Variants in GLIS3 observed in about 807,000 individuals in gnomAD.
The protein encoded by GLIS3 is zinc finger protein GLIS3.
GLIS3 carries 53 observed loss-of-function variants against 78.6 expected under a neutral mutation model. That is an observed-to-expected ratio of 0.67 (90% confidence interval 0.54 to 0.85). The LOEUF (loss-of-function observed/expected upper bound fraction) is 0.85. Ranked by LOEUF, GLIS3 falls within the 40% of genes least tolerant of loss-of-function variation. The probability of loss-of-function intolerance (pLI) is 0.00; values close to 1 mark genes in which losing one functional copy is unlikely to be tolerated. For missense variants in GLIS3, 1,703 were observed against 1,231.1 expected, an observed-to-expected ratio of 1.38 and a Z score of -5.74; for synonymous variants, 684 against 509.9, an observed-to-expected ratio of 1.34 and a Z score of -4.60.
chr9:4,452,933 C>A, the GLIS3 span, among the ~76,000 whole-genome samples: 3 of 152,172 alleles, frequency 2.0e-5, no homozygotes, highest in African/African-American at 7.2e-5. Context: ...CTACAGTAAC[C>A]AAAACAGCAT....
At chr9:4,242,146 G>A (rs1301801683) in intron 2 of GLIS3, among the ~76,000 whole-genome samples, 1 of 152,148 alleles carries the variant, frequency 6.6e-6, no homozygotes, top group African/African-American at 2.4e-5. Flanking sequence ...AACCTGGCTT[G>A]CTGCTGTGTA....
the GLIS3 span, among the ~76,000 whole-genome samples, chr9:4,421,142 G>A: frequency 2.0e-5 from 3 of 152,176 alleles, no homozygotes; most frequent in Non-Finnish European, 4.4e-5. Flanking sequence ...CACTGTGAAA[G>A]CAATAATCTA....
Position 3,856,154 on chromosome 9 carries a change from G to T in GLIS3, c.2328C>A (p.His776Gln). 3 of 1,614,118 alleles carry T rather than the reference G, an allele frequency of 1.9e-6. No homozygotes were observed. Among genetic ancestry groups the T allele is most frequent in the Non-Finnish European group, 2.5e-6 (3 of 1,180,002 alleles). ...RFAPSAPSPHHISPRRVPAPS... is the reference protein window; with the variant it reads ...RFAPSAPSPHQISPRRVPAPS... The stretch of plus-strand genomic sequence containing the variant: ...GAGCTGGAACTCTCCGGGGGCTGAT[G>T]TGGTGAGGAGATGGAGCAGAAGGTG... The change falls in exon 9 of 11, where the codon CAC (histidine) becomes CAA (glutamine). Residue 776 changes from histidine to glutamine, a missense_variant. Physicochemically the swap from His to Gln is conservative, Grantham distance 24. Coordinates refer to ENST00000381971, the MANE Select transcript of GLIS3 (RefSeq NM_001042413.2).
intron 1 of GLIS3, among the ~76,000 whole-genome samples, chr9:4,292,229 G>C (rs946280320): frequency 6.6e-6 from 1 of 152,160 alleles, no homozygotes; most frequent in Non-Finnish European, 1.5e-5. Context: ...GTTCAACGGA[G>C]AAAGCATTAT....
chr9:4,489,446 A>G, the GLIS3 span, among the ~76,000 whole-genome samples: 1 of 152,186 alleles, frequency 6.6e-6, no homozygotes, highest in Non-Finnish European at 1.5e-5. Context: ...AATAGCAAAA[A>G]GGGTTCCAGG....
intron 7 of GLIS3, among the ~76,000 whole-genome samples, chr9:3,898,097 T>C (rs575760551): frequency 4.5e-4 from 68 of 152,332 alleles, no homozygotes; most frequent in African/African-American, 1.6e-3. Context: ...CCTTATGGTA[T>C]ATTAATCTTT....
intron 2 of GLIS3, among the ~76,000 whole-genome samples, chr9:4,281,419 C>T (rs1444375075): frequency 1.3e-5 from 2 of 152,160 alleles, no homozygotes; most frequent in East Asian, 3.9e-4. Context: ...AGCTCTGTAC[C>T]CATCAAACAC....
intron 6 of GLIS3, among the ~76,000 whole-genome samples, chr9:3,910,617 C>T (rs1454889347): frequency 6.6e-6 from 1 of 152,210 alleles, no homozygotes; most frequent in Non-Finnish European, 1.5e-5. Flanking sequence ...TCCCAAGGTG[C>T]TGAGATTACA....
Position 4,137,685 on chromosome 9 carries a change from G to A in GLIS3, c.389-11744C>T, listed in dbSNP as rs115077735. 6.1e-3 allele frequency among the ~76,000 whole-genome samples: 921 copies of A among 152,222 alleles called. 10 individuals are homozygous for A. The highest frequency in any genetic ancestry group is 0.017 in the African/African-American group (692 of 41,540). ...GAGTTTGTATTCTAAAGTCCCATCCGTCAGCTATTGTATATCAATTATCAA... is the reference window on the plus strand; with the variant it reads ...GAGTTTGTATTCTAAAGTCCCATCCATCAGCTATTGTATATCAATTATCAA... On this transcript the variant is annotated intron_variant, in intron 2 of 10. Transcript: ENST00000381971.
At chr9:4,429,651 C>T in the GLIS3 span, among the ~76,000 whole-genome samples, 1 of 152,130 alleles carries the variant, frequency 6.6e-6, no homozygotes, top group Non-Finnish European at 1.5e-5. Context: ...CTGCGTCCCC[C>T]AGTAGCACTG....
chr9:3,889,343 G>A (rs780741301), intron 7 of GLIS3, among the ~76,000 whole-genome samples: 2 of 152,170 alleles, frequency 1.3e-5, no homozygotes, highest in Admixed American at 6.5e-5. Flanking sequence ...GGGTTCCATA[G>A]AGTGCCCTGG....
chr9:4,099,457 G>C lies in GLIS3; in HGVS notation c.1710+18311C>G, dbSNP rs542565375. Among the ~76,000 whole-genome samples, 9 of 127,086 alleles carry C rather than the reference G, an allele frequency of 7.1e-5. No individual in the cohort carries two copies. The East Asian group carries it at 1.8e-3, about 25-fold the overall frequency. 83.4% of individuals were successfully genotyped at this position (127,086 alleles called of 152,430 possible). A position where few individuals can be genotyped will look rare whatever the true frequency, so the allele number is the denominator to read the frequency against. ...TCTTTGCACATCACCTTCCCCCAAT[G>C]CACACATGTCTTTGTGTCCAACTTT... On this transcript the variant is annotated intron_variant, in intron 4 of 10. Coordinates refer to ENST00000381971, the MANE Select transcript of GLIS3 (RefSeq NM_001042413.2).
intron 4 of GLIS3, among the ~76,000 whole-genome samples, chr9:4,031,324 C>G (rs771641791): frequency 6.6e-6 from 1 of 152,088 alleles, no homozygotes; most frequent in Non-Finnish European, 1.5e-5. Context: ...GAATGAGGCA[C>G]TGATACATAC....
rs543218620 is a variant in GLIS3, at chr9:3,865,903, AAC to A, written c.2298-9721_2298-9720del. Among the ~76,000 whole-genome samples the A allele has an allele frequency of 2.0e-5, 3 of 152,338 alleles. No individual in the cohort carries two copies. The East Asian group carries it at 5.8e-4, about 29-fold the overall frequency. ...AAGAACCAGTGCATTTCAAAAATAA[AAC>A]ACAGGTGGATAAAAATCTGATATAA... On this transcript the variant is annotated intron_variant, in intron 8 of 10. Transcript: ENST00000381971.
rs114740694 is a variant in GLIS3 at position 3,840,259 on chromosome 9, A to T, written c.2474-10767T>A. Among the ~76,000 whole-genome samples the T allele has an allele frequency of 3.0e-3, 458 of 152,300 alleles. 2 individuals carry two copies. The highest frequency in any genetic ancestry group is 0.011 in the African/African-American group (444 of 41,560). On this transcript the variant is annotated intron_variant, in intron 9 of 10. Coordinates refer to ENST00000381971, the MANE Select transcript of GLIS3 (RefSeq NM_001042413.2). ...AGTTCTTAAGTAATTTTTATTACAC[A>T]ACCTACTACCATTAAGTATAAAATC...
the GLIS3 span, among the ~76,000 whole-genome samples, chr9:4,456,627 C>A: frequency 7.2e-5 from 11 of 152,248 alleles, no homozygotes; most frequent in Non-Finnish European, 1.5e-5. Context: ...TGGCTTTCAA[C>A]ATGCCTTCCT....
chr9:3,938,404 A>G (rs987656584), intron 4 of GLIS3, among the ~76,000 whole-genome samples: 13 of 152,240 alleles, frequency 8.5e-5, no homozygotes. Flanking sequence ...AAGAAATTGT[A>G]TAAAACTCTT....
At chr9:3,933,898 T>C (rs1217964347) in intron 5 of GLIS3, among the ~76,000 whole-genome samples, 7 of 152,330 alleles carry the variant, frequency 4.6e-5, no homozygotes, top group Admixed American at 3.9e-4. Flanking sequence ...GAACATATAA[T>C]TTAATTTGAC....
intron 10 of GLIS3, 40 bp downstream of exon 10, chr9:3,829,270 C>T: frequency 6.3e-7 from 1 of 1,592,906 alleles, no homozygotes. Context: ...TCTCTCCTGT[C>T]AGTTGACAGG....
Sources: allele counts gnomAD v4.1 joint callset (sites outside exome capture counted in the v4.1 genomes callset), GRCh38; gene constraint gnomAD v4.1.1; transcripts MANE v1.5; gene names NCBI Gene and HGNC (gene_info 2026-07-23, HGNC 2026-07-21).